The following C1QTNF3 variants were observed in gnomAD, a reference collection of about 807,000 sequenced individuals.
The protein encoded by C1QTNF3 is C1q and TNF related 3, also known as complement C1q tumor necrosis factor-related protein 3.
Under a neutral mutation model 32.6 loss-of-function variants are expected in C1QTNF3, and 26 were observed. The ratio of observed to expected loss-of-function variants is 0.80; its 90% CI spans 0.58 to 1.11. The LOEUF is 1.11. C1QTNF3 is among the 50% of genes least tolerant of loss of function. The probability of loss-of-function intolerance (pLI) is 0.00; values close to 1 mark genes in which losing one functional copy is unlikely to be tolerated. For missense variants in C1QTNF3, 362 were observed against 398.2 expected (o/e 0.91, Z 0.77); for synonymous variants, 155 against 146.0 (o/e 1.06, Z -0.44).
At chr5:34,242,588 G>A in the C1QTNF3 span, among the ~76,000 whole-genome samples, 4 of 151,968 alleles carry the variant, frequency 2.6e-5, no homozygotes, top group African/African-American at 9.7e-5. Context: ...TATTTTTCTC[G>A]ACATTGGCCT....
chr5:34,091,990 C>A, the C1QTNF3 span, among the ~76,000 whole-genome samples: 2 of 151,466 alleles, frequency 1.3e-5, no homozygotes, highest in African/African-American at 2.4e-5. Context: ...AAAGATGAGG[C>A]ACATAGGTGA....
At chr5:34,175,406 G>C in the C1QTNF3 span, 1 of 164,228 alleles carries the variant, frequency 6.1e-6, no homozygotes. Context: ...CGATGAGCCT[G>C]CTTTTCGCAA....
chr5:34,147,708 T>C, the C1QTNF3 span, among the ~76,000 whole-genome samples: 1 of 152,112 alleles, frequency 6.6e-6, no homozygotes, highest in Non-Finnish European at 1.5e-5. Flanking sequence ...AAACTACTTA[T>C]CATGTACTAT....
chr5:34,072,381 G>GAAAGAAAA, the C1QTNF3 span, among the ~76,000 whole-genome samples: 1 of 147,826 alleles, frequency 6.8e-6, no homozygotes, highest in Non-Finnish European at 1.5e-5. Flanking sequence ...GAGAAAGAAA[G>GAAAGAAAA]AAAGAAAGAA....
At chr5:34,126,954 T>C in the C1QTNF3 span, among the ~76,000 whole-genome samples, 1 of 152,186 alleles carries the variant, frequency 6.6e-6, no homozygotes, top group Admixed American at 6.5e-5. Context: ...GATAGAGTTC[T>C]CATGAGATCT....
At chr5:34,104,830 C>A in the C1QTNF3 span, among the ~76,000 whole-genome samples, 1 of 151,184 alleles carries the variant, frequency 6.6e-6, no homozygotes, top group Non-Finnish European at 1.5e-5. Flanking sequence ...AGCCACCACA[C>A]CCTGCCTGTT....
At chr5:34,099,124 T>C in the C1QTNF3 span, among the ~76,000 whole-genome samples, 10 of 152,166 alleles carry the variant, frequency 6.6e-5, no homozygotes, top group African/African-American at 2.4e-4. Flanking sequence ...TAAAGTTTAA[T>C]GCTCTAAAAT....
the C1QTNF3 span, among the ~76,000 whole-genome samples, chr5:34,170,300 T>G: frequency 6.6e-6 from 1 of 152,146 alleles, no homozygotes; most frequent in Admixed American, 6.5e-5. Flanking sequence ...ATGGGAAGTT[T>G]TTCAAGGAAT....
At chr5:34,133,464 G>A in the C1QTNF3 span, among the ~76,000 whole-genome samples, 1 of 152,132 alleles carries the variant, frequency 6.6e-6, no homozygotes, top group Non-Finnish European at 1.5e-5. Context: ...GGTTACTTTA[G>A]AGAAAAATCT....
chr5:34,147,269 T>C, the C1QTNF3 span, among the ~76,000 whole-genome samples: 1 of 152,214 alleles, frequency 6.6e-6, no homozygotes, highest in Non-Finnish European at 1.5e-5. Flanking sequence ...AAAGAACTTA[T>C]CATAGAGCTA....
the C1QTNF3 span, among the ~76,000 whole-genome samples, chr5:34,201,424 C>G: frequency 1.3e-5 from 2 of 152,130 alleles, no homozygotes. Context: ...AAACGCTCTA[C>G]TTTATATGAG....
At chr5:34,159,695 A>T in the C1QTNF3 span, among the ~76,000 whole-genome samples, 1 of 152,002 alleles carries the variant, frequency 6.6e-6, no homozygotes, top group African/African-American at 2.4e-5. Flanking sequence ...AAATCTGAGG[A>T]CTTGCCAAGT....
chr5:34,051,451 G>T, the C1QTNF3 span, among the ~76,000 whole-genome samples: 3 of 152,128 alleles, frequency 2.0e-5, no homozygotes, highest in African/African-American at 7.2e-5. Flanking sequence ...AGCCTGTTCT[G>T]CAACTCACAC....
the C1QTNF3 span, among the ~76,000 whole-genome samples, chr5:34,119,654 A>G: frequency 1.3e-5 from 2 of 152,054 alleles, no homozygotes; most frequent in Non-Finnish European, 2.9e-5. Flanking sequence ...AACTCTAGGG[A>G]AGAATCTGTT....
the C1QTNF3 span, among the ~76,000 whole-genome samples, chr5:34,129,913 A>AT: frequency 2.0e-5 from 3 of 151,808 alleles, no homozygotes; most frequent in Admixed American, 2.0e-4. Flanking sequence ...CATGCATAAC[A>AT]TTTTTTTCCT....
chr5:34,034,251 G>A (rs1240468463), intron 2 of C1QTNF3, among the ~76,000 whole-genome samples: 1 of 152,088 alleles, frequency 6.6e-6, no homozygotes, highest in Non-Finnish European at 1.5e-5. Flanking sequence ...TATATCCATA[G>A]GGAAAAAAAG....
the C1QTNF3 span, chr5:34,165,024 C>G: frequency 6.6e-6 from 1 of 151,922 alleles, no homozygotes; most frequent in Non-Finnish European, 1.5e-5. Flanking sequence ...GGGCACCATC[C>G]AATTGGTCAG....
chr5:34,162,471 G>A, the C1QTNF3 span, among the ~76,000 whole-genome samples: 1 of 152,028 alleles, frequency 6.6e-6, no homozygotes, highest in African/African-American at 2.4e-5. Flanking sequence ...CATAAACTTT[G>A]GGGGACACAT....
the C1QTNF3 span, among the ~76,000 whole-genome samples, chr5:34,051,572 G>C: frequency 6.6e-6 from 1 of 152,234 alleles, no homozygotes; most frequent in African/African-American, 2.4e-5. Context: ...CACTGCCTGA[G>C]CTCAAATAAG....
Sources: allele counts gnomAD v4.1 joint callset (sites outside exome capture counted in the v4.1 genomes callset), GRCh38; gene constraint gnomAD v4.1.1; transcripts MANE v1.5; gene names NCBI Gene and HGNC (gene_info 2026-07-23, HGNC 2026-07-21).